The following ODAD3 variants were observed in gnomAD, a reference collection of about 807,000 sequenced individuals.
The protein encoded by ODAD3 is outer dynein arm docking complex subunit 3.
Under a neutral mutation model 70.9 loss-of-function variants are expected in ODAD3, and 57 were observed. That is an observed-to-expected ratio of 0.80 (90% CI 0.65 to 1.00). The LOEUF (loss-of-function observed/expected upper bound fraction) is 1.00. ODAD3 is among the 50% of genes least tolerant of loss of function. The probability of loss-of-function intolerance (pLI) is 0.00; values close to 1 mark genes in which losing one functional copy is unlikely to be tolerated. For missense variants in ODAD3, 797 were observed against 763.9 expected (o/e 1.04, Z -0.51); for synonymous variants, 327 against 315.9 (o/e 1.04, Z -0.37).
chr19:11,435,614 G>A (rs767442918), upstream of ODAD3: 140 of 1,109,552 alleles, frequency 1.3e-4, 1 homozygote, highest in African/African-American at 1.9e-4. Flanking sequence ...GGAAGTGACG[G>A]GGTCCAGAAA....
upstream of ODAD3, chr19:11,435,212 CCCGCGTTCCGTGGCTGACA>C: frequency 5.6e-6 from 8 of 1,419,530 alleles, no homozygotes; most frequent in Non-Finnish European, 7.3e-6. Context: ...ATGGAGATCA[CCCGCGTTCCGTGGCTGACA>C]CTGCGTTCTC....
rs970172295 is a variant in ODAD3, at chr19:11,422,262, G to GA, written c.1434+208_1434+209insT. ...GTCTCTGACGTCTTGGGCTTCCTTG[G>GA]GGAGTGAGAGCTTCCCCAGGGAGGT... On this transcript the variant is annotated intron_variant, in intron 10 of 12. Coordinates refer to ENST00000356392, the MANE Select transcript of ODAD3 (RefSeq NM_145045.5). This position sits in a 1 kb window ranked among gnomAD's most constrained non-coding sequence, Gnocchi z 4.6. Among the ~76,000 whole-genome samples the GA allele has an allele frequency of 2.0e-5, 3 of 151,878 alleles. No homozygotes were observed. Among genetic ancestry groups the GA allele is most frequent in the Non-Finnish European group, 2.9e-5 (2 of 67,918 alleles).
rs908963732 is a variant in ODAD3 at position 11,425,152 on chromosome 19, T to C, written c.963+992A>G. 7.9e-4 allele frequency among the ~76,000 whole-genome samples: 105 copies of C among 133,324 alleles called. 5 individuals are homozygous for C. Among genetic ancestry groups the C allele is most frequent in the Admixed American group, 2.0e-3 (28 of 13,858 alleles). 87.5% of individuals were successfully genotyped at this position (133,324 alleles called of 152,430 possible). A position where few individuals can be genotyped will look rare whatever the true frequency, so the allele number is the denominator to read the frequency against. On this transcript the variant is annotated intron_variant, in intron 7 of 12. Coordinates refer to ENST00000356392, the MANE Select transcript of ODAD3 (RefSeq NM_145045.5). ...GTGTATATGTGTATATGTACATATG[T>C]ATATATACATATGTGTATATGTACA...
At chr19:11,425,009 ATG>A (rs1202398998) in intron 7 of ODAD3, among the ~76,000 whole-genome samples, 7 of 133,026 alleles carry the variant, frequency 5.3e-5, no homozygotes, top group Non-Finnish European at 7.7e-5. Context: ...ATATGTATAT[ATG>A]TGTATATATA....
intron 3 of ODAD3, among the ~76,000 whole-genome samples, chr19:11,429,713 T>C (rs1411041799): frequency 1.3e-5 from 2 of 152,118 alleles, no homozygotes; most frequent in Admixed American, 1.3e-4. Flanking sequence ...CGGCCTTTTG[T>C]ATTTTTAGTA....
rs769460716 is a variant in ODAD3 at position 11,426,236 on chromosome 19, C to T, written c.871G>A (p.Val291Ile). 7 of 1,613,974 alleles carry T rather than the reference C, an allele frequency of 4.3e-6. No homozygotes were observed. The highest frequency in any genetic ancestry group is 3.3e-5 in the South Asian group (3 of 91,078). Residue 291 changes from valine (V) to isoleucine (I), a missense_variant, in exon 7 of 13, where the codon GTT (valine) becomes ATT (isoleucine). Physicochemically the swap from Val to Ile is conservative, Grantham distance 29. Coordinates refer to ENST00000356392, the MANE Select transcript of ODAD3 (RefSeq NM_145045.5). ...CGTTCCCGCTTCTTGCGCTCTCGAA[C>T]CAAGGTCTCCTCTAGGTACTGCAGC... ...NQLQYLEETL[V>I]RERKKRERYI... is the part of the protein sequence containing the mutation.
At chr19:11,435,356 C>T (rs1171958254), upstream of ODAD3, 10 of 511,734 alleles carry the variant, frequency 2.0e-5, no homozygotes, top group East Asian at 4.5e-4. Flanking sequence ...TCCCTACCTC[C>T]CCCAACCTTA....
intron 3 of ODAD3, among the ~76,000 whole-genome samples, chr19:11,428,704 A>G (rs1476324350): frequency 6.6e-6 from 1 of 151,744 alleles, no homozygotes; most frequent in African/African-American, 2.4e-5. Context: ...CTGTGCCACC[A>G]CATTTGGCAA....
chr19:11,421,604 C>A, intron 11 of ODAD3, 73 bp downstream of exon 11: 1 of 1,530,034 alleles, frequency 6.5e-7, no homozygotes, highest in Non-Finnish European at 8.8e-7. Flanking sequence ...CCGAAGTTGC[C>A]CCCGGTTCCC....
At chr19:11,424,251 T>G (rs989489656) in intron 7 of ODAD3, among the ~76,000 whole-genome samples, 1 of 151,966 alleles carries the variant, frequency 6.6e-6, no homozygotes, top group African/African-American at 2.4e-5. Context: ...CGCCTTTAAT[T>G]CCAGTACTTT....
Position 11,425,565 on chromosome 19 carries a change from G to A in ODAD3, c.963+579C>T, listed in dbSNP as rs1035781364. ...TATGTATGTATATATGTATATATGT[G>A]TGTATGTATGTATATATGTATGTAT... On this transcript the variant is annotated intron_variant, in intron 7 of 12. Transcript: ENST00000356392. Among the ~76,000 whole-genome samples the A allele has an allele frequency of 4.7e-3, 597 of 127,278 alleles. 49 individuals carry two copies. Among genetic ancestry groups the A allele is most frequent in the African/African-American group, 0.017 (408 of 23,870 alleles). 83.5% of individuals were successfully genotyped at this position (127,278 alleles called of 152,430 possible).
At chr19:11,424,108 T>C (rs2144758492) in intron 7 of ODAD3, 79 bp from the exon 8 acceptor site, 1 of 1,516,500 alleles carries the variant, frequency 6.6e-7, no homozygotes, top group Non-Finnish European at 8.9e-7. Context: ...GGGATCCAGA[T>C]AGGGGCCCGC....
At position 11,426,436 on chromosome 19, in the gene ODAD3, G is replaced by A. The variant is rs535470120; in HGVS notation, c.840+10C>T. ...CTGGGCAGGATGGCCGAGGGCAAGA[G>A]GGGTGGCACCTTGGCAATGTCCCGG... On this transcript the variant is annotated intron_variant, in intron 6 of 12. Coordinates refer to ENST00000356392, the MANE Select transcript of ODAD3 (RefSeq NM_145045.5). 1.7e-5 allele frequency: 27 copies of A among 1,614,026 alleles called. No individual in the cohort carries two copies. In the African/African-American group the frequency reaches 3.2e-4, roughly 19 times the overall value.
intron 1 of ODAD3, among the ~76,000 whole-genome samples, chr19:11,432,333 C>T (rs1250505660): frequency 6.6e-6 from 1 of 152,180 alleles, no homozygotes; most frequent in Non-Finnish European, 1.5e-5. Flanking sequence ...ACTGAAGCCT[C>T]AACCTCCTGA....
chr19:11,435,494 G>C (rs904591614), upstream of ODAD3: 1 of 403,494 alleles, frequency 2.5e-6, no homozygotes, highest in Non-Finnish European at 4.7e-6. Context: ...CCTCTCTAAG[G>C]TTTCACAGTC....
chr19:11,434,940 C>T lies in ODAD3; in HGVS notation c.77G>A (p.Arg26Lys), dbSNP rs774231941. 6.2e-7 allele frequency: 1 copy of T among 1,614,008 alleles called. No individual in the cohort carries two copies. Among genetic ancestry groups the T allele is most frequent in the Non-Finnish European group, 8.5e-7 (1 of 1,180,034 alleles). The change falls in exon 1 of 13, where the codon AGG (arginine) becomes AAG (lysine). Residue 26 changes from arginine (R) to lysine (K), a missense_variant. Coordinates refer to ENST00000356392, the MANE Select transcript of ODAD3 (RefSeq NM_145045.5). ...GCCCGAAGCCTCCCTGCCCTTGACC[C>T]TGGAAGAGGGCGTCGAAGCCTGGTC... ...PQDQASTPSS[R>K]VKGREASGKP... is the part of the protein sequence containing the mutation.
chr19:11,423,838 G>GGT, intron 8 of ODAD3, 39 bp downstream of exon 8: 1 of 1,363,976 alleles, frequency 7.3e-7, no homozygotes, highest in South Asian at 1.2e-5. Context: ...TCTGGGGTGG[G>GGT]GGGGGGGCGC....
At chr19:11,425,346 T>TATATGTGTATATGTAC (rs1185647331) in intron 7 of ODAD3, among the ~76,000 whole-genome samples, 1 of 118,420 alleles carries the variant, frequency 8.4e-6, no homozygotes, top group Non-Finnish European at 1.6e-5. Context: ...TATATATGTA[T>TATATGTGTATATGTAC]ATATGTGTAT....
In ODAD3 at chr19:11,427,003, A is replaced by G. The variant is rs1969393989; in HGVS notation, c.482T>C (p.Val161Ala). The G allele has an allele frequency of 6.2e-7, 1 of 1,601,852 alleles. No homozygotes were observed. The highest frequency in any genetic ancestry group is 1.7e-5 in the Admixed American group (1 of 59,558). Reference sequence around the variant, plus strand: ...GTGCCGCAGGGCGTTCTGCTGCTTCACCTTCTCCCTCAGCCGGTGGTCTAG... The same window carrying G: ...GTGCCGCAGGGCGTTCTGCTGCTTCGCCTTCTCCCTCAGCCGGTGGTCTAG... ...EHLDHRLREK[V>A]KQQNALRHQV... Residue 161 changes from valine (V) to alanine (A), a missense_variant, in exon 4 of 13, where the codon GTG (valine) becomes GCG (alanine). Val to Ala is a moderately conservative substitution (Grantham distance 64). Coordinates refer to ENST00000356392, the MANE Select transcript of ODAD3 (RefSeq NM_145045.5).
Sources: allele counts gnomAD v4.1 joint callset (sites outside exome capture counted in the v4.1 genomes callset), GRCh38; gene constraint gnomAD v4.1.1; non-coding constraint Gnocchi (gnomAD v3.1); transcripts MANE v1.5; gene names NCBI Gene and HGNC (gene_info 2026-07-23, HGNC 2026-07-21).